PANK4: variants seen among roughly 807,000 people sequenced by gnomAD.
PANK4 encodes the protein 4'-phosphopantetheine phosphatase.
Under a neutral mutation model 87.9 loss-of-function variants are expected in PANK4, and 40 were observed. That is an observed-to-expected ratio of 0.46 (90% confidence interval 0.35 to 0.59). The LOEUF is 0.59. PANK4 is among the 20% of genes least tolerant of loss of function. PANK4 has a pLI of 0.00. For synonymous variants in PANK4, 524 were observed against 467.4 expected, an observed-to-expected ratio of 1.12 and a Z score of -1.56; for missense variants, 926 against 1,072.3, an observed-to-expected ratio of 0.86 and a Z score of 1.90.
At position 2,515,583 on chromosome 1, in the gene PANK4, G is replaced by A; in HGVS notation, c.1353C>T (p.Cys451=). Residue 451 remains cysteine, a synonymous_variant, in exon 10 of 19, where the codon TGC becomes TGT. Transcript: ENST00000378466. This position sits in a 1 kb window ranked among gnomAD's most constrained non-coding sequence, Gnocchi z 5.0. Reference sequence around the variant, plus strand: ...TCACCCCGTCCAGGGCCTCCTCAAAGCAGGTGAGCCAGTATTTTCGGGCCA... The same window carrying A: ...TCACCCCGTCCAGGGCCTCCTCAAAACAGGTGAGCCAGTATTTTCGGGCCA... ...DALARKYWLT[C]FEEALDGVVK... is the part of the protein sequence containing the mutation. 6.2e-7 allele frequency: 1 copy of A among 1,613,080 alleles called. No individual in the cohort carries two copies. Among genetic ancestry groups the A allele is most frequent in the Non-Finnish European group, 8.5e-7 (1 of 1,179,980 alleles).
In PANK4 at chr1:2,519,839, A is replaced by G. The variant is rs1223966319; in HGVS notation, c.815T>C (p.Ile272Thr). 1.9e-6 allele frequency: 3 copies of G among 1,579,492 alleles called. No individual in the cohort carries two copies. Among genetic ancestry groups the G allele is most frequent in the Non-Finnish European group, 2.6e-6 (3 of 1,163,538 alleles). The change falls in exon 6 of 19, where the codon ATC (isoleucine) becomes ACC (threonine). Residue 272 changes from isoleucine to threonine, a missense_variant. Ile to Thr is a moderately conservative substitution (Grantham distance 89). Coordinates refer to ENST00000378466, the MANE Select transcript of PANK4 (RefSeq NM_018216.4). The surrounding 1 kb of genome is among the most constrained non-coding windows in gnomAD (Gnocchi z 8.3). Reference protein sequence around the residue: ...HQTLGLSGNLIASSFGKSATA... With the variant: ...HQTLGLSGNLTASSFGKSATA... ...GGCCGACTTCCCGAAGCTGCTGGCG[A>G]TGAGGTTCCCGCTCAGCCCGAGAGT...
At position 2,509,076 on chromosome 1, in the gene PANK4, G is replaced by C. The variant is rs774310051; in HGVS notation, c.2109-16C>G. 1 of 1,581,186 alleles carries C rather than the reference G, an allele frequency of 6.3e-7. No individual in the cohort carries two copies. The highest frequency in any genetic ancestry group is 2.3e-5 in the East Asian group (1 of 44,282). On this transcript the variant is annotated splice_polypyrimidine_tract_variant and intron_variant, in intron 18 of 18. Transcript: ENST00000378466. This position sits in a 1 kb window ranked among gnomAD's most constrained non-coding sequence, Gnocchi z 4.9. ...ATCCAGGCGGCTTTGGGGAGGAAGA[G>C]GACGGTGAGACTGGGCAAGCAGACC...
At chr1:2,514,752 T>C (rs1031982760) in intron 10 of PANK4, among the ~76,000 whole-genome samples, 1 of 151,780 alleles carries the variant, frequency 6.6e-6, no homozygotes, top group Non-Finnish European at 1.5e-5. Flanking sequence ...TCAGGGCAGT[T>C]TCTACTGGAA....
intron 9 of PANK4, among the ~76,000 whole-genome samples, chr1:2,517,619 C>T (rs925675217): frequency 2.0e-5 from 3 of 152,344 alleles, no homozygotes; most frequent in South Asian, 2.1e-4. Context: ...AGCTCCAACT[C>T]GGCAGACATG....
intron 1 of PANK4, 106 bp downstream of exon 1, chr1:2,526,358 G>C (rs1385053843): frequency 1.3e-5 from 8 of 631,260 alleles, no homozygotes; most frequent in Non-Finnish European, 1.6e-5. Flanking sequence ...TGTGCGCGAG[G>C]CCCGCGCCCC....
At chr1:2,524,268 T>G (rs1351027061) in intron 1 of PANK4, among the ~76,000 whole-genome samples, 1 of 150,634 alleles carries the variant, frequency 6.6e-6, no homozygotes, top group Non-Finnish European at 1.5e-5. Context: ...ACAGGGCAGG[T>G]GAGCTTTCCT....
In PANK4 at chr1:2,510,880, G is replaced by A; in HGVS notation, c.1834-98C>T. 1.3e-6 allele frequency: 1 copy of A among 754,896 alleles called. No individual in the cohort carries two copies. The highest frequency in any genetic ancestry group is 2.3e-6 in the Non-Finnish European group (1 of 427,840). The allele number at this position is 754,896 out of a possible 1,614,324, so 46.8% of individuals were successfully genotyped here. On this transcript the variant is annotated intron_variant, in intron 15 of 18. Transcript: ENST00000378466. This position sits in a 1 kb window ranked among gnomAD's most constrained non-coding sequence, Gnocchi z 4.9. ...CGTCACGCTGCCCTGCAGGGGCCGA[G>A]ACTGGGGGCTTCAGGGCCCCAGAGA...
At position 2,519,247 on chromosome 1, in the gene PANK4, C is replaced by T; in HGVS notation, c.931G>A (p.Ala311Thr). The change falls in exon 7 of 19, where the codon GCA (alanine) becomes ACA (threonine). Residue 311 changes from alanine (A) to threonine (T), a missense_variant. By Grantham distance (58) the Ala-to-Thr change is moderately conservative (BLOSUM62 0). Transcript: ENST00000378466. This position sits in a 1 kb window ranked among gnomAD's most constrained non-coding sequence, Gnocchi z 8.3. ...ACGCGGTCCAGGCTGTGCAGCCGTG[C>T]GTGGAGGCAGGCCAGCTGCCCAATG... ...NDIGQLACLH[A>T]RLHSLDRVYF... 4.3e-6 allele frequency: 7 copies of T among 1,612,656 alleles called. No individual in the cohort carries two copies. The highest frequency in any genetic ancestry group is 1.1e-5 in the South Asian group (1 of 91,076).
Position 2,514,821 on chromosome 1 carries a change from C to T in PANK4, c.1375-355G>A, listed in dbSNP as rs2494609. Among the ~76,000 whole-genome samples the T allele has an allele frequency of 1.2e-3, 185 of 152,150 alleles. 1 individual carries two copies. The highest frequency in any genetic ancestry group is 4.3e-3 in the African/African-American group (180 of 41,488). On this transcript the variant is annotated intron_variant, in intron 10 of 18. Transcript: ENST00000378466. ...CCGAGGCTTCCCTTTGCCATTCGCC[C>T]CTCCCAGTTGCCCTGGGAGGCAGGA...
intron 7 of PANK4, 91 bp from the exon 8 acceptor site, chr1:2,518,688 G>A (rs1342467640): frequency 1.5e-5 from 17 of 1,115,802 alleles, no homozygotes; most frequent in South Asian, 5.3e-5. Flanking sequence ...GCCTCGCACC[G>A]CGCGGCCCAA....
rs201279461 is a variant in PANK4, at chr1:2,515,667, C to T, written c.1269G>A (p.Pro423=). 38 of 1,612,740 alleles carry T rather than the reference C, an allele frequency of 2.4e-5. No individual in the cohort carries two copies. In the East Asian group the frequency reaches 3.1e-4, roughly 13 times the overall value. Residue 423 remains proline, a synonymous_variant, in exon 10 of 19, where the codon CCG becomes CCA. Coordinates refer to ENST00000378466, the MANE Select transcript of PANK4 (RefSeq NM_018216.4). This position sits in a 1 kb window ranked among gnomAD's most constrained non-coding sequence, Gnocchi z 5.0. ...CGTAGGAGGGCGGGTCCAGGAGGAG[C>T]GGCAGGTCAACCAGTGGCCTCTCCA... ...DRLERPLVDL[P]LLLDPPSYVP...
At position 2,514,452 on chromosome 1, in the gene PANK4, T is replaced by C. The variant is rs761844616; in HGVS notation, c.1389A>G (p.Ala463=). The C allele has an allele frequency of 2.5e-6, 4 of 1,609,866 alleles. No individual in the cohort carries two copies. Among genetic ancestry groups the C allele is most frequent in the South Asian group, 1.1e-5 (1 of 91,024 alleles). Residue 463 remains alanine (A), a synonymous_variant, in exon 11 of 19, where the codon GCA becomes GCG. Coordinates refer to ENST00000378466, the MANE Select transcript of PANK4 (RefSeq NM_018216.4). ...EEALDGVVKR[A]VASQPDSVDA... is the part of the protein sequence containing the mutation. The stretch of plus-strand genomic sequence containing the variant: ...CCACAGAGTCTGGCTGGCTCGCCAC[T>C]GCGCGCTTCACTACCTGCCAGCGAC...
chr1:2,518,933 C>A (rs1643835322), intron 7 of PANK4, among the ~76,000 whole-genome samples: 1 of 152,222 alleles, frequency 6.6e-6, no homozygotes, highest in East Asian at 1.9e-4. Context: ...CTCTAGAATG[C>A]TCATCACTGG....
At chr1:2,516,679 T>G (rs1214032804) in intron 9 of PANK4, among the ~76,000 whole-genome samples, 1 of 151,988 alleles carries the variant, frequency 6.6e-6, no homozygotes, top group African/African-American at 2.4e-5. Context: ...GGGGACGCCT[T>G]CCAGGTGGGA....
In PANK4 at chr1:2,520,751, T is replaced by C. The variant is rs189318939; in HGVS notation, c.578A>G (p.Asn193Ser). The C allele has an allele frequency of 6.2e-5, 100 of 1,613,514 alleles. No individual in the cohort carries two copies. Among genetic ancestry groups the C allele is most frequent in the African/African-American group, 5.9e-4 (44 of 75,010 alleles). Residue 193 changes from asparagine to serine, a missense_variant, in exon 4 of 19, where the codon AAT becomes AGT. Coordinates refer to ENST00000378466, the MANE Select transcript of PANK4 (RefSeq NM_018216.4). This position sits in a 1 kb window ranked among gnomAD's most constrained non-coding sequence, Gnocchi z 6.2. ...CACGATGGAGACTCCAGAGCCGATA[T>C]TGACAAGAAGATAGGGGAAAATGTG... ...HPHIFPYLLV[N>S]IGSGVSIVKV...
In PANK4 at chr1:2,526,472, A is replaced by C. The variant is rs1332575137; in HGVS notation, c.116T>G (p.Ile39Ser). ...GCCCGGCCTGCGGCTACCTATGTCG[A>C]TGGCGAAGCGCTTGGCGTTCTCCAG... ...RNLENAKRFAIDIGGSLTKLA... is the reference protein window; with the variant it reads ...RNLENAKRFASDIGGSLTKLA... Residue 39 changes from isoleucine (I) to serine (S), a missense_variant, in exon 1 of 19, where the codon ATC (isoleucine) becomes AGC (serine). Ile to Ser is a moderately radical substitution (Grantham distance 142). Coordinates refer to ENST00000378466, the MANE Select transcript of PANK4 (RefSeq NM_018216.4). 2 of 1,553,524 alleles carry C rather than the reference A, an allele frequency of 1.3e-6. No individual in the cohort carries two copies. Among genetic ancestry groups the C allele is most frequent in the Non-Finnish European group, 1.7e-6 (2 of 1,152,824 alleles).
In PANK4 at chr1:2,511,392, G is replaced by A; in HGVS notation, c.1784-5C>T. The A allele has an allele frequency of 6.2e-7, 1 of 1,605,908 alleles. No individual in the cohort carries two copies. Among genetic ancestry groups the A allele is most frequent in the South Asian group, 1.1e-5 (1 of 90,982 alleles). ...AATCCACGAGCCAGGGTCTTTCTGA[G>A]ACAGAGAGAGGGACACATGATTAGC... is the stretch of plus-strand genomic sequence containing the variant. On this transcript the variant is annotated splice_region_variant and splice_polypyrimidine_tract_variant and intron_variant, in intron 14 of 18. Coordinates refer to ENST00000378466, the MANE Select transcript of PANK4 (RefSeq NM_018216.4).
At position 2,521,153 on chromosome 1, in the gene PANK4, C is replaced by T. The variant is rs779324364; in HGVS notation, c.370G>A (p.Gly124Arg). Residue 124 changes from glycine (G) to arginine (R), a missense_variant, in exon 3 of 19, where the codon GGG (glycine) becomes AGG (arginine). By Grantham distance (125) the Gly-to-Arg change is moderately radical. Transcript: ENST00000378466. ...NTETKVIQAT[G>R]GGAYKFKDLI... ...TCTTTGAACTTGTAGGCCCCGCCCC[C>T]GGTCGCCTGGATGACCTTGGTCTCT... 13 of 1,613,966 alleles carry T rather than the reference C, an allele frequency of 8.1e-6. No homozygotes were observed. The highest frequency in any genetic ancestry group is 1.7e-4 in the Middle Eastern group (1 of 6,056).
In PANK4 at chr1:2,510,687, T is replaced by G. The variant is rs1643646227; in HGVS notation, c.1929A>C (p.Arg643Ser). The G allele has an allele frequency of 6.3e-7, 1 of 1,586,530 alleles. No individual in the cohort carries two copies. ...CCACCTCAACACTCACCTCTGTCCC[T>G]CTAAGGAGTAGCTCCCTGACAAAGG... ...VFPFVRELLL[R>S]GTEVILACNS... The change falls in exon 16 of 19, where the codon AGA (arginine) becomes AGC (serine). Residue 643 changes from arginine (R) to serine (S), a missense_variant. Physicochemically the swap from Arg to Ser is moderately radical, Grantham distance 110 (BLOSUM62 -1). Coordinates refer to ENST00000378466, the MANE Select transcript of PANK4 (RefSeq NM_018216.4). This position sits in a 1 kb window ranked among gnomAD's most constrained non-coding sequence, Gnocchi z 4.9.
Sources: allele counts gnomAD v4.1 joint callset (sites outside exome capture counted in the v4.1 genomes callset), GRCh38; gene constraint gnomAD v4.1.1; non-coding constraint Gnocchi (gnomAD v3.1); transcripts MANE v1.5; gene names NCBI Gene and HGNC (gene_info 2026-07-23, HGNC 2026-07-21).